SLC25A13: variants seen among roughly 807,000 people sequenced by gnomAD.
The protein encoded by SLC25A13 is solute carrier family 25 member 13.
A neutral mutation model predicts 85.5 loss-of-function variants in SLC25A13; 70 were observed. The observed-to-expected ratio is 0.82, with a 90% confidence interval of 0.68 to 1.00. The LOEUF (loss-of-function observed/expected upper bound fraction) is 1.00, where lower values mean the gene tolerates loss of function less well. SLC25A13 is among the 50% of genes least tolerant of loss of function. The probability of loss-of-function intolerance (pLI) is 0.00; values close to 1 mark genes in which losing one functional copy is unlikely to be tolerated. For missense variants in SLC25A13, 765 were observed against 819.8 expected, an observed-to-expected ratio of 0.93 and a Z score of 0.82; for synonymous variants, 259 against 288.7, an observed-to-expected ratio of 0.90 and a Z score of 1.04.
chr7:96,191,124 C>T lies in SLC25A13; in HGVS notation c.739G>A (p.Val247Ile). The change falls in exon 7 of 18, where the codon GTT (valine) becomes ATT (isoleucine). Residue 247 changes from valine to isoleucine, a missense_variant. Physicochemically the swap from Val to Ile is conservative, Grantham distance 29. Transcript: ENST00000265631. The stretch of plus-strand genomic sequence containing the variant: ...TCTCACTCACCCTTAGTCACTTCAA[C>T]ATCTTTCCTGGTGCCAGCCAGAGTG... ...YSTLAGTRKD[V>I]EVTKEEFVLA... 1.2e-6 allele frequency: 2 copies of T among 1,614,106 alleles called. No individual in the cohort carries two copies.
At chr7:96,127,753 TAA>T (rs1791788870) in intron 15 of SLC25A13, among the ~76,000 whole-genome samples, 1 of 152,260 alleles carries the variant, frequency 6.6e-6, no homozygotes, top group African/African-American at 2.4e-5. Context: ...TTTTGTTTTA[TAA>T]GTTAGAGGCC....
intron 7 of SLC25A13, 98 bp from the exon 8 acceptor site, chr7:96,189,772 CT>C: frequency 1.0e-6 from 1 of 982,372 alleles, no homozygotes; most frequent in Non-Finnish European, 1.6e-6. Flanking sequence ...CATCACAAAA[CT>C]TTATTATTAT....
intron 9 of SLC25A13, among the ~76,000 whole-genome samples, chr7:96,187,733 C>T (rs571563296): frequency 6.6e-6 from 1 of 152,270 alleles, no homozygotes; most frequent in African/African-American, 2.4e-5. Flanking sequence ...TGAAATGAGA[C>T]AAAACTCTGC....
intron 14 of SLC25A13, among the ~76,000 whole-genome samples, chr7:96,145,600 T>C (rs2116477923): frequency 6.6e-6 from 1 of 152,260 alleles, no homozygotes; most frequent in African/African-American, 2.4e-5. Context: ...TATGTGTCTA[T>C]GGGATAAAAT....
At position 96,131,837 on chromosome 7, in the gene SLC25A13, G is replaced by C. The variant is rs772157920; in HGVS notation, c.1497C>G (p.Ile499Met). The C allele has an allele frequency of 6.2e-7, 1 of 1,614,094 alleles. No individual in the cohort carries two copies. Among genetic ancestry groups the C allele is most frequent in the Non-Finnish European group, 8.5e-7 (1 of 1,180,006 alleles). ...CFLRDIPFSAIYFPCYAHVKA... is the reference protein window; with the variant it reads ...CFLRDIPFSAMYFPCYAHVKA... ...TCACATGAGCATAGCACGGAAAGTA[G>C]ATGGCCGAGAAAGGAATGTCCCGCA... Residue 499 changes from isoleucine to methionine, a missense_variant, in exon 15 of 18, where the codon ATC becomes ATG. Coordinates refer to ENST00000265631, the MANE Select transcript of SLC25A13 (RefSeq NM_014251.3).
At chr7:96,151,039 G>C (rs918617702) in intron 13 of SLC25A13, among the ~76,000 whole-genome samples, 1 of 152,146 alleles carries the variant, frequency 6.6e-6, no homozygotes, top group African/African-American at 2.4e-5. Flanking sequence ...TCTCCTGGCT[G>C]GGAGGTGATT....
intron 1 of SLC25A13, among the ~76,000 whole-genome samples, chr7:96,310,029 G>A (rs1279851000): frequency 6.6e-6 from 1 of 152,152 alleles, no homozygotes; most frequent in Non-Finnish European, 1.5e-5. Flanking sequence ...AAGGAGAGAA[G>A]GCCTCAGGAG....
chr7:96,128,939 G>GCTCGCTCGCT (rs1380552400), intron 15 of SLC25A13, among the ~76,000 whole-genome samples: 1 of 81,850 alleles, frequency 1.2e-5, no homozygotes, highest in African/African-American at 4.3e-5. Context: ...TGCCTTGCTT[G>GCTCGCTCGCT]CTCTCTCTCT....
At chr7:96,318,549 G>T (rs1005349626) in intron 1 of SLC25A13, among the ~76,000 whole-genome samples, 4 of 152,174 alleles carry the variant, frequency 2.6e-5, no homozygotes, top group Admixed American at 6.5e-5. Context: ...TTAGATTAAT[G>T]TTCATTCACG....
intron 2 of SLC25A13, among the ~76,000 whole-genome samples, chr7:96,279,613 C>T (rs1427152779): frequency 1.3e-5 from 2 of 152,300 alleles, no homozygotes; most frequent in Non-Finnish European, 2.9e-5. Flanking sequence ...ATGATCTCCA[C>T]CTGGCTCCAC....
chr7:96,225,316 G>T (rs373316406), intron 4 of SLC25A13, among the ~76,000 whole-genome samples: 2 of 152,090 alleles, frequency 1.3e-5, no homozygotes, highest in Non-Finnish European at 2.9e-5. Context: ...AAGCCAAGGC[G>T]GGAGGATTGC....
At chr7:96,246,868 T>C (rs1405883440) in intron 3 of SLC25A13, among the ~76,000 whole-genome samples, 2 of 152,220 alleles carry the variant, frequency 1.3e-5, no homozygotes. Flanking sequence ...AACATTAATA[T>C]CTGCTGTGCC....
At chr7:96,270,413 G>T (rs1027235347) in intron 3 of SLC25A13, among the ~76,000 whole-genome samples, 2 of 152,058 alleles carry the variant, frequency 1.3e-5, no homozygotes, top group African/African-American at 4.8e-5. Context: ...AAAATTAGTA[G>T]GGCACGGTGG....
intron 9 of SLC25A13, among the ~76,000 whole-genome samples, chr7:96,185,345 C>T (rs1005109722): frequency 6.6e-6 from 1 of 152,086 alleles, no homozygotes; most frequent in Non-Finnish European, 1.5e-5. Context: ...CGCCTGTAAT[C>T]CCAGCACTTT....
intron 13 of SLC25A13, among the ~76,000 whole-genome samples, chr7:96,159,870 G>T (rs1793440603): frequency 1.3e-5 from 2 of 152,096 alleles, no homozygotes; most frequent in African/African-American, 4.8e-5. Flanking sequence ...GGCAGAAAAA[G>T]GCTATTCTGT....
intron 13 of SLC25A13, among the ~76,000 whole-genome samples, chr7:96,154,141 A>G (rs1293449668): frequency 1.3e-5 from 2 of 152,216 alleles, no homozygotes; most frequent in African/African-American, 4.8e-5. Flanking sequence ...ATGTCTGAAG[A>G]CAGGAATATT....
chr7:96,232,758 A>C (rs997792617), intron 4 of SLC25A13, among the ~76,000 whole-genome samples: 3 of 152,100 alleles, frequency 2.0e-5, no homozygotes, highest in Non-Finnish European at 4.4e-5. Context: ...TATGCAGTGA[A>C]TCTTTTAATC....
intron 13 of SLC25A13, among the ~76,000 whole-genome samples, chr7:96,162,560 A>G (rs1322229159): frequency 1.3e-5 from 2 of 152,164 alleles, no homozygotes; most frequent in African/African-American, 2.4e-5. Flanking sequence ...TCCTCTCTCA[A>G]TAATTAAATG....
At chr7:96,129,213 C>T (rs1791898004) in intron 15 of SLC25A13, among the ~76,000 whole-genome samples, 1 of 152,144 alleles carries the variant, frequency 6.6e-6, no homozygotes, top group Admixed American at 6.5e-5. Context: ...ACACCTGTTT[C>T]CTGACTCACA....
Sources: gnomAD v4.1 joint callset for allele counts (sites outside exome capture counted in the v4.1 genomes callset) on GRCh38, gnomAD v4.1.1 for gene constraint, MANE v1.5 for transcripts, NCBI Gene and HGNC (gene_info 2026-07-23, HGNC 2026-07-21) for gene names.